AOPEP: variants seen among roughly 807,000 people sequenced by gnomAD.
The protein encoded by AOPEP is aminopeptidase O (putative), also known as aminopeptidase O.
A neutral mutation model predicts 98.1 loss-of-function variants in AOPEP; 77 were observed. The observed-to-expected ratio is 0.78, with a 90% CI of 0.65 to 0.95. AOPEP has a LOEUF of 0.95. Ranked by LOEUF, AOPEP falls within the 40% of genes least tolerant of loss-of-function variation. AOPEP has a pLI of 0.00. For synonymous variants in AOPEP, 346 were observed against 365.3 expected, an observed-to-expected ratio of 0.95 and a Z score of 0.60; for missense variants, 1,024 against 1,024.7, an observed-to-expected ratio of 1.00 and a Z score of 0.01.
chr9:95,148,629 G>A, the AOPEP span, among the ~76,000 whole-genome samples: 2 of 152,176 alleles, frequency 1.3e-5, no homozygotes, highest in East Asian at 3.9e-4. Context: ...TTTTGATACT[G>A]CATATGAAAT....
At chr9:94,828,727 C>T (rs543233258) in intron 5 of AOPEP, among the ~76,000 whole-genome samples, 5 of 151,980 alleles carry the variant, frequency 3.3e-5, no homozygotes, top group African/African-American at 7.2e-5. Flanking sequence ...TACACATATA[C>T]ACACACAATA....
chr9:95,064,999 C>T (rs889527503), intron 14 of AOPEP, among the ~76,000 whole-genome samples: 1 of 152,150 alleles, frequency 6.6e-6, no homozygotes, highest in Non-Finnish European at 1.5e-5. Flanking sequence ...CTTTGGAGGG[C>T]TTGGAGATGT....
In AOPEP at chr9:95,070,837, C is replaced by T. The variant is rs185278060; in HGVS notation, c.2233-9857C>T. ...AGAGGTGAACTAGGAGATGTGGACG[C>T]GTCAGATCACTCAAGTGAACCTGGG... On this transcript the variant is annotated intron_variant, in intron 14 of 16. Transcript: ENST00000375315. Among the ~76,000 whole-genome samples, 9 of 152,360 alleles carry T rather than the reference C, an allele frequency of 5.9e-5. No homozygotes were observed. In the East Asian group the frequency reaches 1.3e-3, roughly 23 times the overall value.
intron 5 of AOPEP, among the ~76,000 whole-genome samples, chr9:94,898,311 A>G (rs1022842794): frequency 2.6e-5 from 4 of 152,136 alleles, no homozygotes; most frequent in Admixed American, 1.3e-4. Flanking sequence ...GTGGAATTCT[A>G]TGCAGCCTTT....
Position 94,980,031 on chromosome 9 carries a change from T to G in AOPEP, c.1977+604T>G, listed in dbSNP as rs1424777857. 9.2e-5 allele frequency among the ~76,000 whole-genome samples: 14 copies of G among 152,216 alleles called. No homozygotes were observed. Among genetic ancestry groups the G allele is most frequent in the Admixed American group, 9.2e-4 (14 of 15,278 alleles). On this transcript the variant is annotated intron_variant, in intron 11 of 16. Coordinates refer to ENST00000375315, the MANE Select transcript of AOPEP (RefSeq NM_001193329.3). This position sits in a 1 kb window ranked among gnomAD's most constrained non-coding sequence, Gnocchi z 4.3. ...GGCTCATCCCAGCTGGAGATTGTTG[T>G]TCTCTCCCTCCCTTTCAGTCTATGG...
At chr9:94,757,148 C>G (rs749931662) in intron 1 of AOPEP, among the ~76,000 whole-genome samples, 8 of 152,152 alleles carry the variant, frequency 5.3e-5, no homozygotes, top group Non-Finnish European at 8.8e-5. Flanking sequence ...GGATATTGTT[C>G]CCTCTGAATC....
At chr9:94,923,208 A>G (rs578190958) in intron 5 of AOPEP, among the ~76,000 whole-genome samples, 3 of 152,244 alleles carry the variant, frequency 2.0e-5, no homozygotes, top group South Asian at 2.1e-4. Context: ...CATTCCACCT[A>G]TGCAGTTTTA....
At chr9:94,936,503 C>T (rs892048464) in intron 7 of AOPEP, among the ~76,000 whole-genome samples, 18 of 152,230 alleles carry the variant, frequency 1.2e-4, no homozygotes, top group South Asian at 2.1e-4. Context: ...GGCTTGCAGT[C>T]ACTGAGCAGA....
Position 94,969,415 on chromosome 9 carries a change from C to CT in AOPEP, c.1916+1630dup, listed in dbSNP as rs574235712. ...AAGTGAATACCCTGAAACATAATTTCTTTTTTTTTTTTTTTTGAGGAGTCT... is the reference window on the plus strand; with the variant it reads ...AAGTGAATACCCTGAAACATAATTTCTTTTTTTTTTTTTTTTTGAGGAGTCT... On this transcript the variant is annotated intron_variant, in intron 10 of 16. Transcript: ENST00000375315. Among the ~76,000 whole-genome samples, 749 of 139,610 alleles carry CT rather than the reference C, an allele frequency of 5.4e-3. 2 individuals are homozygous for CT. Among genetic ancestry groups the CT allele is most frequent in the Admixed American group, 6.6e-3 (91 of 13,824 alleles). The allele number at this position is 139,610 out of a possible 152,430, so 91.6% of individuals were successfully genotyped here.
the AOPEP span, among the ~76,000 whole-genome samples, chr9:95,104,788 C>T: frequency 7.9e-5 from 12 of 152,250 alleles, no homozygotes; most frequent in Admixed American, 7.9e-4. Flanking sequence ...ACACGGGCCA[C>T]AGGGTTGGGG....
chr9:95,139,853 A>T, the AOPEP span, among the ~76,000 whole-genome samples: 28 of 144,414 alleles, frequency 1.9e-4, no homozygotes, highest in East Asian at 6.1e-4. Context: ...TATATATATA[A>T]ATATATATAT....
chr9:95,100,191 T>C, the AOPEP span: 10 of 232,022 alleles, frequency 4.3e-5, 1 homozygote, highest in South Asian at 1.1e-3. Flanking sequence ...AGGATCATGA[T>C]GGCACGAAGC....
chr9:94,883,916 C>T (rs2047884175), intron 5 of AOPEP, among the ~76,000 whole-genome samples: 1 of 152,140 alleles, frequency 6.6e-6, no homozygotes, highest in South Asian at 2.1e-4. Context: ...TGTGGGACCT[C>T]CATCCCCGTC....
chr9:94,803,048 T>G (rs556817792), intron 5 of AOPEP, among the ~76,000 whole-genome samples: 16 of 152,040 alleles, frequency 1.1e-4, no homozygotes, highest in Admixed American at 2.6e-4. Context: ...TTGCTTGAGG[T>G]TTTATAAAGC....
intron 14 of AOPEP, among the ~76,000 whole-genome samples, chr9:95,072,028 C>T (rs1306517588): frequency 6.6e-6 from 1 of 152,150 alleles, no homozygotes; most frequent in Non-Finnish European, 1.5e-5. Context: ...CCTTTTGCCT[C>T]ATCTCTGTGT....
chr9:94,899,879 C>G (rs969229022), intron 5 of AOPEP, among the ~76,000 whole-genome samples: 1 of 152,190 alleles, frequency 6.6e-6, no homozygotes, highest in African/African-American at 2.4e-5. Flanking sequence ...AACTTACTGT[C>G]TCTATAATTA....
chr9:94,960,470 A>G (rs1457632403), intron 9 of AOPEP, among the ~76,000 whole-genome samples: 3 of 151,846 alleles, frequency 2.0e-5, no homozygotes, highest in Non-Finnish European at 4.4e-5. Flanking sequence ...CTTTCCCCTT[A>G]ATTCTAAATT....
At chr9:95,106,825 C>T in the AOPEP span, among the ~76,000 whole-genome samples, 7 of 152,250 alleles carry the variant, frequency 4.6e-5, no homozygotes, top group Admixed American at 2.6e-4. Flanking sequence ...GGCAGCAAGC[C>T]GTGGGCCCAG....
chr9:94,788,126 A>G (rs1281198212), intron 3 of AOPEP, among the ~76,000 whole-genome samples: 1 of 152,106 alleles, frequency 6.6e-6, no homozygotes, highest in East Asian at 1.9e-4. Context: ...GCTGGAGTGT[A>G]GTGGTGTGAT....
Sources: gnomAD v4.1 joint callset for allele counts (sites outside exome capture counted in the v4.1 genomes callset) on GRCh38, gnomAD v4.1.1 for gene constraint, Gnocchi (gnomAD v3.1) non-coding constraint, MANE v1.5 for transcripts, NCBI Gene and HGNC (gene_info 2026-07-23, HGNC 2026-07-21) for gene names.